Variants in PUM2 observed in about 807,000 individuals in gnomAD.
PUM2 encodes pumilio homolog 2.
In PUM2, 57 loss-of-function variants were observed where a neutral mutation model predicts 124.5. The observed-to-expected ratio is 0.46, with a 90% CI of 0.37 to 0.57. The LOEUF (loss-of-function observed/expected upper bound fraction) is 0.57. PUM2 is among the 20% of genes least tolerant of loss of function. The probability of loss-of-function intolerance (pLI) is 0.00; values close to 1 mark genes in which losing one functional copy is unlikely to be tolerated. For synonymous variants in PUM2, 460 were observed against 446.1 expected (o/e 1.03, Z -0.39); for missense variants, 1,065 against 1,290.6 (o/e 0.83, Z 2.68).
At chr2:20,314,798 A>G (rs989673748) in intron 3 of PUM2, among the ~76,000 whole-genome samples, 2 of 152,142 alleles carry the variant, frequency 1.3e-5, no homozygotes, top group Non-Finnish European at 2.9e-5. Flanking sequence ...ATGCTAAGCA[A>G]TGAGCTATAC....
intron 7 of PUM2, among the ~76,000 whole-genome samples, chr2:20,299,824 G>A (rs1000988181): frequency 7.2e-5 from 11 of 152,266 alleles, no homozygotes; most frequent in East Asian, 3.9e-4. Context: ...TATGAAAAGC[G>A]TCAAACTCGG....
In PUM2 at chr2:20,322,167, T is replaced by C. The variant is rs1045125326; in HGVS notation, c.52-3522A>G. On this transcript the variant is annotated intron_variant, in intron 2 of 20. Coordinates refer to ENST00000361078, the MANE Select transcript of PUM2 (RefSeq NM_015317.5). Reference sequence around the variant, plus strand: ...ATTTATCATCCCAAATGGGATACTTTAGTGAAAAAAGATGCTATTAATAAT... The same window carrying C: ...ATTTATCATCCCAAATGGGATACTTCAGTGAAAAAAGATGCTATTAATAAT... Among the ~76,000 whole-genome samples, 6 of 152,244 alleles carry C rather than the reference T, an allele frequency of 3.9e-5. No individual in the cohort carries two copies. The South Asian group carries it at 1.0e-3, about 26-fold the overall frequency.
intron 2 of PUM2, among the ~76,000 whole-genome samples, chr2:20,323,047 C>G (rs1682765802): frequency 6.6e-6 from 1 of 152,148 alleles, no homozygotes; most frequent in African/African-American, 2.4e-5. Context: ...TGTAAACACT[C>G]AAGACTTCCC....
At chr2:20,347,958 T>C (rs2149170315) in intron 1 of PUM2, among the ~76,000 whole-genome samples, 1 of 152,246 alleles carries the variant, frequency 6.6e-6, no homozygotes, top group East Asian at 1.9e-4. Context: ...CGTTCCCTCT[T>C]ACAAACTCAT....
chr2:20,345,011 A>C (rs1336033988), intron 1 of PUM2, among the ~76,000 whole-genome samples: 1 of 149,686 alleles, frequency 6.7e-6, no homozygotes, highest in Non-Finnish European at 1.5e-5. Flanking sequence ...AAAAGAAAAG[A>C]AGATTCCGCT....
At chr2:20,265,877 C>T (rs1572600231) in intron 13 of PUM2, among the ~76,000 whole-genome samples, 1 of 152,112 alleles carries the variant, frequency 6.6e-6, no homozygotes, top group African/African-American at 2.4e-5. Flanking sequence ...ACCCTTAATG[C>T]ATTAAAGATT....
At chr2:20,350,428 C>T (rs948498509) in intron 1 of PUM2, 169 bp downstream of exon 1, 2 of 946,898 alleles carry the variant, frequency 2.1e-6, no homozygotes, top group East Asian at 2.3e-4. Context: ...GCACCCCTCC[C>T]CCTGCATTGT....
At chr2:20,280,893 T>TA (rs1036847101) in intron 12 of PUM2, among the ~76,000 whole-genome samples, 6 of 152,214 alleles carry the variant, frequency 3.9e-5, no homozygotes, top group Admixed American at 3.3e-4. Flanking sequence ...AATTATATGT[T>TA]ACGATGTTTA....
At chr2:20,351,295 G>A (rs1689317025), upstream of PUM2, among the ~76,000 whole-genome samples, 1 of 152,226 alleles carries the variant, frequency 6.6e-6, no homozygotes, top group African/African-American at 2.4e-5. Context: ...GCCCACAAGA[G>A]CCGGACGTTA....
At position 20,311,420 on chromosome 2, in the gene PUM2, A is replaced by C. The variant is rs568687789; in HGVS notation, c.518+74T>G. ...TAAACCTAAATGATGAAAATGTCTA[A>C]ATCAGTCACATCAACTAATAGTAAT... is the stretch of plus-strand genomic sequence containing the variant. On this transcript the variant is annotated intron_variant, in intron 5 of 20. Transcript: ENST00000361078. 1.4e-5 allele frequency: 19 copies of C among 1,404,622 alleles called. No individual in the cohort carries two copies. In the African/African-American group the frequency reaches 2.2e-4, roughly 16 times the overall value. 87.0% of individuals were successfully genotyped at this position (1,404,622 alleles called of 1,614,324 possible). A position where few individuals can be genotyped will look rare whatever the true frequency, so the allele number is the denominator to read the frequency against.
At chr2:20,300,767 T>G (rs139199533) in intron 7 of PUM2, among the ~76,000 whole-genome samples, 1 of 124,096 alleles carries the variant, frequency 8.1e-6, no homozygotes, top group South Asian at 2.5e-4. Context: ...CTAAATAAGA[T>G]AGCTAGAAAG....
chr2:20,349,295 T>G (rs1302615347), intron 1 of PUM2, among the ~76,000 whole-genome samples: 1 of 152,100 alleles, frequency 6.6e-6, no homozygotes, highest in East Asian at 1.9e-4. Flanking sequence ...GAAATAAAAT[T>G]TTATTTTTAA....
At chr2:20,255,101 A>C in intron 18 of PUM2, 115 bp downstream of exon 18, 5 of 1,465,674 alleles carry the variant, frequency 3.4e-6, no homozygotes, top group Non-Finnish European at 2.8e-6. Context: ...AGAATACAAC[A>C]GCCTTTTGTC....
At chr2:20,351,202 T>C (rs1047255253), upstream of PUM2, among the ~76,000 whole-genome samples, 1 of 152,248 alleles carries the variant, frequency 6.6e-6, no homozygotes, top group East Asian at 1.9e-4. Context: ...GCTCACTGTT[T>C]TCCCCCAACT....
chr2:20,340,606 G>A (rs1687035856), intron 1 of PUM2, among the ~76,000 whole-genome samples: 1 of 152,210 alleles, frequency 6.6e-6, no homozygotes, highest in Non-Finnish European at 1.5e-5. Flanking sequence ...CCCAAGGCTG[G>A]CTTGAATTAG....
Position 20,251,430 on chromosome 2 carries a change from C to A in PUM2, c.*155G>T. On this transcript the variant is annotated 3_prime_UTR_variant, in exon 21 of 21. Coordinates refer to ENST00000361078, the MANE Select transcript of PUM2 (RefSeq NM_015317.5). The stretch of plus-strand genomic sequence containing the variant: ...CCCACCCCCCAAATATACACAAGAA[C>A]CTTAAAAAATTTACAAATGGATGAA... 1 of 928,132 alleles carries A rather than the reference C, an allele frequency of 1.1e-6. No individual in the cohort carries two copies. The highest frequency in any genetic ancestry group is 1.5e-6 in the Non-Finnish European group (1 of 649,558). 57.5% of individuals were successfully genotyped at this position (928,132 alleles called of 1,614,324 possible). A position where few individuals can be genotyped will look rare whatever the true frequency, so the allele number is the denominator to read the frequency against.
chr2:20,294,645 TAA>T, intron 8 of PUM2, 127 bp from the exon 9 acceptor site: 1 of 1,101,362 alleles, frequency 9.1e-7, no homozygotes, highest in South Asian at 2.0e-5. Flanking sequence ...GTCTTTATAA[TAA>T]AAGACAAAGT....
Position 20,327,369 on chromosome 2 carries a change from C to G in PUM2, c.-9G>C, listed in dbSNP as rs924553514. 2.6e-6 allele frequency: 4 copies of G among 1,567,912 alleles called. No homozygotes were observed. The African/African-American group carries it at 5.4e-5, about 21-fold the overall frequency. On this transcript the variant is annotated 5_prime_UTR_variant, in exon 2 of 21. Coordinates refer to ENST00000361078, the MANE Select transcript of PUM2 (RefSeq NM_015317.5). ...TGAAAATCATGATTCATTTCATCCACAGATCAAACCTGTTGAATAACAAAA... is the reference window on the plus strand; with the variant it reads ...TGAAAATCATGATTCATTTCATCCAGAGATCAAACCTGTTGAATAACAAAA...
At position 20,297,565 on chromosome 2, in the gene PUM2, C is replaced by T. The variant is rs771620058; in HGVS notation, c.997G>A (p.Ala333Thr). 2 of 1,598,926 alleles carry T rather than the reference C, an allele frequency of 1.3e-6. No homozygotes were observed. Among genetic ancestry groups the T allele is most frequent in the Admixed American group, 3.4e-5 (2 of 59,130 alleles). Residue 333 changes from alanine to threonine, a missense_variant, in exon 8 of 21, where the codon GCT becomes ACT. Physicochemically the swap from Ala to Thr is moderately conservative, Grantham distance 58 (BLOSUM62 0). Transcript: ENST00000361078. The part of the protein sequence containing the change: ...PYTAAGLAAA[A>T]TLAGPAVVPP... ...AATAGTATGTTACCTGCTAATGTAG[C>T]TGCTGCAGCCAATCCTGCTGCAGTA... is the stretch of plus-strand genomic sequence containing the variant.
Sources: allele counts gnomAD v4.1 joint callset (sites outside exome capture counted in the v4.1 genomes callset), GRCh38; gene constraint gnomAD v4.1.1; transcripts MANE v1.5; gene names NCBI Gene and HGNC (gene_info 2026-07-23, HGNC 2026-07-21).